Variants in SMARCA4 observed in about 807,000 individuals in gnomAD.
SMARCA4 encodes the protein SWI/SNF-related matrix-associated actin-dependent regulator of chromatin subfamily A member 4.
Under a neutral mutation model 193.9 loss-of-function variants are expected in SMARCA4, and 31 were observed. The observed-to-expected ratio is 0.16, with a 90% confidence interval of 0.12 to 0.22. The LOEUF (loss-of-function observed/expected upper bound fraction) is 0.22, where lower values mean the gene tolerates loss of function less well. Ranked by LOEUF, SMARCA4 falls within the 10% of genes least tolerant of loss-of-function variation. SMARCA4 has a pLI of 1.00. For missense variants in SMARCA4, 1,148 were observed against 2,296.0 expected (o/e 0.50, Z 10.22); for synonymous variants, 942 against 933.1 (o/e 1.01, Z -0.17).
At chr19:10,962,128 A>G (rs1253878070) in intron 1 of SMARCA4, among the ~76,000 whole-genome samples, 1 of 152,108 alleles carries the variant, frequency 6.6e-6, no homozygotes, top group Non-Finnish European at 1.5e-5. Context: ...CACTTAGCAC[A>G]CTGTCACTTT....
chr19:11,044,094 T>TA (rs1263646003), intron 30 of SMARCA4, among the ~76,000 whole-genome samples: 7 of 152,250 alleles, frequency 4.6e-5, no homozygotes, highest in African/African-American at 1.7e-4. Context: ...ATTACCAACC[T>TA]AAAGAAGACC....
Position 10,986,122 on chromosome 19 carries a change from G to A in SMARCA4, c.356-67G>A, listed in dbSNP as rs1183891247. On this transcript the variant is annotated intron_variant, in intron 3 of 34. Transcript: ENST00000344626. The surrounding 1 kb of genome is among the most constrained non-coding windows in gnomAD (Gnocchi z 6.7). ...GTCTCAGAGTAGGAGCTGGTGTAGG[G>A]GGAAGAGGCTGTAAAAATCACAGAC... The A allele has an allele frequency of 3.8e-6, 5 of 1,327,308 alleles. No individual in the cohort carries two copies. The highest frequency in any genetic ancestry group is 1.2e-5 in the South Asian group (1 of 84,668). 82.2% of individuals were successfully genotyped at this position (1,327,308 alleles called of 1,614,324 possible).
Position 10,985,205 on chromosome 19 carries a change from A to G in SMARCA4, c.223-68A>G. 1.3e-6 allele frequency: 2 copies of G among 1,562,666 alleles called. No homozygotes were observed. Among genetic ancestry groups the G allele is most frequent in the Non-Finnish European group, 1.8e-6 (2 of 1,134,904 alleles). ...CGGTGCCCTCGAGCTTCTCTCGGGC[A>G]GCGCATAGCTGCGCTGCCACCTCAC... On this transcript the variant is annotated intron_variant, in intron 2 of 34. Transcript: ENST00000344626. This position sits in a 1 kb window ranked among gnomAD's most constrained non-coding sequence, Gnocchi z 4.5.
intron 16 of SMARCA4, among the ~76,000 whole-genome samples, chr19:11,015,003 CAG>C (rs543620336): frequency 6.7e-4 from 102 of 152,058 alleles, no homozygotes; most frequent in African/African-American, 2.3e-3. Context: ...TTAGTAGAGA[CAG>C]GGTTTCTCCA....
At chr19:11,010,608 C>A (rs1600189860) in intron 15 of SMARCA4, 77 bp downstream of exon 15, 2 of 1,418,374 alleles carry the variant, frequency 1.4e-6, no homozygotes, top group Non-Finnish European at 2.0e-6. Flanking sequence ...GGGCTTCAGA[C>A]CTCAGGCAGA....
intron 16 of SMARCA4, among the ~76,000 whole-genome samples, chr19:11,017,120 G>T (rs138254726): frequency 6.6e-6 from 1 of 152,298 alleles, no homozygotes; most frequent in East Asian, 1.9e-4. Context: ...GTGTTAAGCT[G>T]AACGTGAGTT....
intron 1 of SMARCA4, among the ~76,000 whole-genome samples, chr19:10,966,622 C>T (rs1173032094): frequency 1.4e-5 from 2 of 142,890 alleles, no homozygotes; most frequent in African/African-American, 5.2e-5. Context: ...CGCGGTGGCT[C>T]ATGCCTGTAT....
At chr19:11,021,401 C>T (rs1327378670) in intron 18 of SMARCA4, 38 of 432,856 alleles carry the variant, frequency 8.8e-5, no homozygotes, top group South Asian at 6.2e-4. Flanking sequence ...TCTGCCAGAA[C>T]GTGCTCGGCA....
In SMARCA4 at chr19:10,985,159, T is replaced by A; in HGVS notation, c.223-114T>A. On this transcript the variant is annotated intron_variant, in intron 2 of 34. Coordinates refer to ENST00000344626, the MANE Select transcript of SMARCA4 (RefSeq NM_003072.5). The surrounding 1 kb of genome is among the most constrained non-coding windows in gnomAD (Gnocchi z 4.5). ...ATGCTGGGGACTGGGGAGATGCGCG[T>A]CATCTTCGGGTGGCTGTTCTCGGTG... is the stretch of plus-strand genomic sequence containing the variant. 1 of 1,093,670 alleles carries A rather than the reference T, an allele frequency of 9.1e-7. No individual in the cohort carries two copies. The highest frequency in any genetic ancestry group is 1.4e-6 in the Non-Finnish European group (1 of 718,818). The allele number at this position is 1,093,670 out of a possible 1,614,324, so 67.7% of individuals were successfully genotyped here.
chr19:11,025,066 C>T (rs2090154745), intron 21 of SMARCA4, among the ~76,000 whole-genome samples: 1 of 151,634 alleles, frequency 6.6e-6, no homozygotes, highest in Admixed American at 6.6e-5. Flanking sequence ...GCCCTCTTGC[C>T]CAGCTGAGAC....
chr19:10,961,327 G>C (rs1189359950), intron 1 of SMARCA4, 153 bp downstream of exon 1: 2 of 149,722 alleles, frequency 1.3e-5, no homozygotes, highest in Admixed American at 6.6e-5. Context: ...CCAGCCGGCA[G>C]CCGCGCGCGT....
intron 30 of SMARCA4, among the ~76,000 whole-genome samples, chr19:11,057,322 C>G (rs1328230026): frequency 1.3e-5 from 2 of 152,204 alleles, no homozygotes; most frequent in Non-Finnish European, 2.9e-5. Context: ...GCTGGGAGCG[C>G]TGTGCACGAG....
chr19:10,978,695 T>TTC (rs2085326821), intron 1 of SMARCA4, among the ~76,000 whole-genome samples: 1 of 151,734 alleles, frequency 6.6e-6, no homozygotes, highest in African/African-American at 2.4e-5. Flanking sequence ...ATCCCAGCAC[T>TTC]TCTGGAGGCT....
chr19:10,997,229 C>T (rs1026917884), intron 11 of SMARCA4, among the ~76,000 whole-genome samples: 5 of 151,940 alleles, frequency 3.3e-5, no homozygotes, highest in South Asian at 2.1e-4. Flanking sequence ...GACGGAGTCT[C>T]GTTCTGTCAC....
At position 11,003,329 on chromosome 19, in the gene SMARCA4, A is replaced by AT. The variant is rs1555768671; in HGVS notation, c.1944-5dup. On this transcript the variant is annotated splice_polypyrimidine_tract_variant and intron_variant, in intron 12 of 34. Coordinates refer to ENST00000344626, the MANE Select transcript of SMARCA4 (RefSeq NM_003072.5). ...AGCAGATTTGTATGAAAGCCCTTAC[A>AT]TTTTTTCTAGGTATGAAGTAGCTCC... is the stretch of plus-strand genomic sequence containing the variant. The AT allele has an allele frequency of 6.2e-7, 1 of 1,613,634 alleles. No individual in the cohort carries two copies. The highest frequency in any genetic ancestry group is 8.5e-7 in the Non-Finnish European group (1 of 1,179,516).
At chr19:11,037,834 TC>T (rs1231049960) in intron 29 of SMARCA4, among the ~76,000 whole-genome samples, 1 of 152,230 alleles carries the variant, frequency 6.6e-6, no homozygotes, top group Non-Finnish European at 1.5e-5. Flanking sequence ...TCCATCTTCA[TC>T]CATCCAACTG....
chr19:11,032,958 A>T, intron 25 of SMARCA4: 2 of 421,600 alleles, frequency 4.7e-6, no homozygotes, highest in Non-Finnish European at 4.5e-6. Flanking sequence ...GTGTAGGTCC[A>T]CGCTGTGGGG....
intron 15 of SMARCA4, among the ~76,000 whole-genome samples, chr19:11,012,175 C>T (rs1297129995): frequency 6.6e-6 from 1 of 152,086 alleles, no homozygotes; most frequent in Non-Finnish European, 1.5e-5. Context: ...AGTTTGAGAC[C>T]AGGCTGGCCA....
At chr19:11,008,373 T>C (rs2088452146) in intron 14 of SMARCA4, 1 of 356,288 alleles carries the variant, frequency 2.8e-6, no homozygotes, top group East Asian at 7.2e-5. Flanking sequence ...CTGTCTGCAT[T>C]AGCAAGCAAA....
Sources: allele counts gnomAD v4.1 joint callset (sites outside exome capture counted in the v4.1 genomes callset), GRCh38; gene constraint gnomAD v4.1.1; non-coding constraint Gnocchi (gnomAD v3.1); transcripts MANE v1.5; gene names NCBI Gene and HGNC (gene_info 2026-07-23, HGNC 2026-07-21).